Variants in ADAMTSL1 observed in about 807,000 individuals in gnomAD.
ADAMTSL1 encodes the protein ADAMTS like 1.
ADAMTSL1 carries 126 observed loss-of-function variants against 201.8 expected under a neutral mutation model. The ratio of observed to expected loss-of-function variants is 0.62; its 90% confidence interval spans 0.54 to 0.72. The LOEUF (loss-of-function observed/expected upper bound fraction) is 0.72. ADAMTSL1 is among the 30% of genes least tolerant of loss of function. ADAMTSL1 has a pLI of 0.00. For missense variants in ADAMTSL1, 2,679 were observed against 2,277.8 expected, an observed-to-expected ratio of 1.18 and a Z score of -3.59; for synonymous variants, 1,121 against 903.4, an observed-to-expected ratio of 1.24 and a Z score of -4.32.
At chr9:18,144,219 CTT>C (rs869169323) in intron 1 of ADAMTSL1, among the ~76,000 whole-genome samples, 9 of 92,180 alleles carry the variant, frequency 9.8e-5, no homozygotes, top group Non-Finnish European at 2.1e-4. Context: ...TTCTTTCTTT[CTT>C]TTTTTGAGAC....
intron 2 of ADAMTSL1, among the ~76,000 whole-genome samples, chr9:18,340,328 C>G (rs772785284): frequency 1.3e-5 from 2 of 152,150 alleles, no homozygotes; most frequent in Non-Finnish European, 2.9e-5. Flanking sequence ...TAATTATCAT[C>G]TATGTACTTA....
At chr9:18,365,423 A>C (rs558296019) in intron 2 of ADAMTSL1, among the ~76,000 whole-genome samples, 28 of 152,342 alleles carry the variant, frequency 1.8e-4, no homozygotes, top group African/African-American at 6.7e-4. Flanking sequence ...AGGATTGATT[A>C]ACACAAAATT....
chr9:18,327,081 TA>T (rs566009481), intron 2 of ADAMTSL1, among the ~76,000 whole-genome samples: 137 of 152,320 alleles, frequency 9.0e-4, no homozygotes, highest in African/African-American at 3.1e-3. Context: ...CGAAAGCTGA[TA>T]AAAAAATTTT....
intron 1 of ADAMTSL1, among the ~76,000 whole-genome samples, chr9:17,920,276 T>G (rs553048567): frequency 6.6e-6 from 1 of 152,186 alleles, no homozygotes; most frequent in Non-Finnish European, 1.5e-5. Flanking sequence ...CTAGCATTCC[T>G]CCTTTCACCC....
At chr9:18,116,372 A>C (rs1309351336) in intron 1 of ADAMTSL1, among the ~76,000 whole-genome samples, 2 of 152,172 alleles carry the variant, frequency 1.3e-5, no homozygotes, top group African/African-American at 4.8e-5. Context: ...CCTGAAACAC[A>C]CACCTTTGAG....
At chr9:18,131,467 T>C (rs528684586) in intron 1 of ADAMTSL1, among the ~76,000 whole-genome samples, 23 of 152,264 alleles carry the variant, frequency 1.5e-4, no homozygotes, top group Admixed American at 9.2e-4. Flanking sequence ...TTCTTAGAGA[T>C]GATTAGTCTC....
At chr9:17,940,022 A>G (rs1827171344) in intron 1 of ADAMTSL1, among the ~76,000 whole-genome samples, 1 of 152,014 alleles carries the variant, frequency 6.6e-6, no homozygotes, top group Non-Finnish European at 1.5e-5. Context: ...AGCATGAGAA[A>G]GGAGGGTGTA....
At chr9:18,389,544 A>G (rs1299259438) in intron 2 of ADAMTSL1, among the ~76,000 whole-genome samples, 1 of 152,194 alleles carries the variant, frequency 6.6e-6, no homozygotes, top group Non-Finnish European at 1.5e-5. Context: ...TGTAGTTCTT[A>G]TTAGGAATTG....
intron 23 of ADAMTSL1, among the ~76,000 whole-genome samples, chr9:18,874,346 C>T (rs931086399): frequency 5.3e-5 from 8 of 152,018 alleles, no homozygotes; most frequent in Non-Finnish European, 7.4e-5. Context: ...TGAAGAGAAG[C>T]GGTAAAAGTG....
At chr9:18,201,448 A>G (rs893157261) in intron 2 of ADAMTSL1, among the ~76,000 whole-genome samples, 5 of 152,096 alleles carry the variant, frequency 3.3e-5, no homozygotes, top group Admixed American at 6.6e-5. Flanking sequence ...TTTCTCACTA[A>G]TAATAAGAGT....
chr9:17,953,955 T>C (rs907318289), intron 1 of ADAMTSL1, among the ~76,000 whole-genome samples: 4 of 152,072 alleles, frequency 2.6e-5, no homozygotes, highest in African/African-American at 9.7e-5. Flanking sequence ...ATATGTCTGG[T>C]TGTTGGTTGG....
chr9:18,664,609 T>C (rs1829317478), intron 9 of ADAMTSL1, among the ~76,000 whole-genome samples: 2 of 152,008 alleles, frequency 1.3e-5, no homozygotes, highest in South Asian at 4.1e-4. Flanking sequence ...TTTTAGTATT[T>C]AAAAGTAGAG....
intron 19 of ADAMTSL1, among the ~76,000 whole-genome samples, chr9:18,778,631 A>G (rs952341990): frequency 6.6e-6 from 1 of 152,168 alleles, no homozygotes; most frequent in Non-Finnish European, 1.5e-5. Context: ...TTTAATCTTT[A>G]CAGGGGCCCT....
chr9:18,361,556 A>G (rs1426709204), intron 2 of ADAMTSL1, among the ~76,000 whole-genome samples: 2 of 152,198 alleles, frequency 1.3e-5, no homozygotes, highest in Non-Finnish European at 2.9e-5. Context: ...AAAGCAAACA[A>G]TAGGGAAATT....
At chr9:18,648,427 A>G (rs979562972) in intron 7 of ADAMTSL1, among the ~76,000 whole-genome samples, 2 of 152,094 alleles carry the variant, frequency 1.3e-5, no homozygotes, top group African/African-American at 4.8e-5. Context: ...TGATCCTGTC[A>G]TTATGATGTT....
At chr9:18,502,586 G>A (rs940766386) in intron 1 of ADAMTSL1, among the ~76,000 whole-genome samples, 2 of 152,120 alleles carry the variant, frequency 1.3e-5, no homozygotes, top group African/African-American at 4.8e-5. Context: ...AGTGATTAAG[G>A]ATTGATTTTA....
At chr9:18,335,273 A>T (rs1453275833) in intron 2 of ADAMTSL1, among the ~76,000 whole-genome samples, 1 of 152,092 alleles carries the variant, frequency 6.6e-6, no homozygotes, top group Non-Finnish European at 1.5e-5. Context: ...CAGGTGGAAA[A>T]TATTCTAGGC....
chr9:18,864,992 AT>A (rs879647241), intron 23 of ADAMTSL1, among the ~76,000 whole-genome samples: 5 of 151,054 alleles, frequency 3.3e-5, no homozygotes, highest in East Asian at 1.9e-4. Context: ...TCAATCACAC[AT>A]TTTTTTTCTC....
intron 1 of ADAMTSL1, among the ~76,000 whole-genome samples, chr9:18,030,884 G>A (rs561701866): frequency 1.3e-5 from 2 of 151,868 alleles, no homozygotes; most frequent in Non-Finnish European, 2.9e-5. Flanking sequence ...CTTTATTTTT[G>A]TCTCACTGAG....
Sources: gnomAD v4.1 joint callset for allele counts (sites outside exome capture counted in the v4.1 genomes callset) on GRCh38, gnomAD v4.1.1 for gene constraint, MANE v1.5 for transcripts, NCBI Gene and HGNC (gene_info 2026-07-23, HGNC 2026-07-21) for gene names.